Variants in RC3H2 observed in about 807,000 individuals in gnomAD.
RC3H2 encodes the protein ring finger and CCCH-type domains 2.
Under a neutral mutation model 133.3 loss-of-function variants are expected in RC3H2, and 31 were observed. That is an observed-to-expected ratio of 0.23 (90% CI 0.17 to 0.31). The LOEUF (loss-of-function observed/expected upper bound fraction) is 0.31, where lower values mean the gene tolerates loss of function less well. RC3H2 is among the 10% of genes least tolerant of loss of function. RC3H2 has a pLI of 1.00. For missense variants in RC3H2, 1,175 were observed against 1,437.2 expected (o/e 0.82, Z 2.95); for synonymous variants, 517 against 502.2 (o/e 1.03, Z -0.40).
rs767566476 is a variant in RC3H2 at position 122,879,835 on chromosome 9, T to C, written c.1132A>G (p.Met378Val). The stretch of plus-strand genomic sequence containing the variant: ...TGAACTACTGTTTTAACAGCTACCA[T>C]TGCATTTTCCAGCTGCTCCCAAGTT... ...SPTWEQLENAMVAVKTVVHGL... is the reference protein window; with the variant it reads ...SPTWEQLENAVVAVKTVVHGL... Residue 378 changes from methionine (M) to valine (V), a missense_variant, in exon 8 of 21, where the codon ATG becomes GTG. Around this residue, in one of 8 missense-constraint regions of RC3H2, gnomAD observed 131 missense variants for 154.2 expected, o/e 0.85. Transcript: ENST00000357244. 1.0e-4 allele frequency: 164 copies of C among 1,614,052 alleles called. No homozygotes were observed. Among genetic ancestry groups the C allele is most frequent in the Middle Eastern group, 1.6e-4 (1 of 6,084 alleles).
chr9:122,888,893 C>T (rs1033683029), intron 4 of RC3H2, among the ~76,000 whole-genome samples: 2 of 151,966 alleles, frequency 1.3e-5, no homozygotes, highest in Non-Finnish European at 2.9e-5. Context: ...TCAGATGTTG[C>T]CAAATTCCTT....
intron 1 of RC3H2, among the ~76,000 whole-genome samples, chr9:122,900,690 A>C (rs1382949239): frequency 6.6e-6 from 1 of 152,190 alleles, no homozygotes; most frequent in Non-Finnish European, 1.5e-5. Flanking sequence ...GAATATTTAT[A>C]GTTACTACTG....
In RC3H2 at chr9:122,864,892, GGGAT is replaced by G. The variant is rs200933994; in HGVS notation, c.1634+453_1634+456del. ...GCATGCCTCAGCCTCCAAAAGTGCT[GGGAT>G]TACAGGTGTGAACCACTGCACCCGG... On this transcript the variant is annotated intron_variant, in intron 10 of 20. Coordinates refer to ENST00000357244, the MANE Select transcript of RC3H2 (RefSeq NM_001100588.3). Among the ~76,000 whole-genome samples the G allele has an allele frequency of 2.3e-3, 353 of 152,106 alleles. 9 individuals are homozygous for G. The East Asian group carries it at 0.056, about 24-fold the overall frequency.
In RC3H2 at chr9:122,849,544, TTATATAA is replaced by T. The variant is rs1829940970; in HGVS notation, c.*76_*82del. Reference sequence around the variant, plus strand: ...ATCTTTTTTTTAAAAAAAATATACATTATATAATATATATTATATATATAAAAAGCTA... The same window carrying T: ...ATCTTTTTTTTAAAAAAAATATACATTATATATTATATATATAAAAAGCTA... On this transcript the variant is annotated 3_prime_UTR_variant, in exon 21 of 21. Transcript: ENST00000357244. 1 of 491,072 alleles carries T rather than the reference TTATATAA, an allele frequency of 2.0e-6. No individual in the cohort carries two copies. Among genetic ancestry groups the T allele is most frequent in the African/African-American group, 2.1e-5 (1 of 48,124 alleles). The allele number at this position is 491,072 out of a possible 1,614,324, so 30.4% of individuals were successfully genotyped here.
chr9:122,867,396 C>T (rs987198671), intron 9 of RC3H2, among the ~76,000 whole-genome samples: 5 of 141,348 alleles, frequency 3.5e-5, no homozygotes, highest in Non-Finnish European at 7.8e-5. Context: ...CCGCTCCGTC[C>T]GGGAGGGAGG....
At position 122,858,708 on chromosome 9, in the gene RC3H2, C is replaced by T; in HGVS notation, c.2244G>A (p.Gln748=). 6.2e-7 allele frequency: 1 copy of T among 1,612,776 alleles called. No homozygotes were observed. The highest frequency in any genetic ancestry group is 8.5e-7 in the Non-Finnish European group (1 of 1,179,766). ...CAGTTGTCCTTGGCTCACTTGGTGG[C>T]TGACAAGCCACCGAATAATATCCAT... The part of the protein sequence containing the change: ...SLDGYYSVAC[Q]PPSEPRTTVP... The change falls in exon 12 of 21, where the codon CAG becomes CAA. Residue 748 remains glutamine, a synonymous_variant. Coordinates refer to ENST00000357244, the MANE Select transcript of RC3H2 (RefSeq NM_001100588.3).
chr9:122,854,346 T>C (rs1830164188), intron 16 of RC3H2, 80 bp from the exon 17 acceptor site: 3 of 1,327,154 alleles, frequency 2.3e-6, no homozygotes, highest in Admixed American at 3.8e-5. Context: ...ATGTTTTATG[T>C]GACAGATCAA....
At chr9:122,852,468 G>T (rs1415446547) in intron 18 of RC3H2, among the ~76,000 whole-genome samples, 36 of 129,310 alleles carry the variant, frequency 2.8e-4, no homozygotes, top group South Asian at 5.0e-4. Flanking sequence ...GCCTCTGCCC[G>T]GCCGCCCCTA....
rs1830640313 is a variant in RC3H2, at chr9:122,866,134, A to G, written c.1326-477T>C. 2.0e-5 allele frequency among the ~76,000 whole-genome samples: 3 copies of G among 152,344 alleles called. No individual in the cohort carries two copies. In the South Asian group the frequency reaches 6.2e-4, roughly 32 times the overall value. On this transcript the variant is annotated intron_variant, in intron 9 of 20. Coordinates refer to ENST00000357244, the MANE Select transcript of RC3H2 (RefSeq NM_001100588.3). ...AACTGTAAAAGGATTATATAATTTAAAAAAATAATTTAAAAAACTCATTCT... is the reference window on the plus strand; with the variant it reads ...AACTGTAAAAGGATTATATAATTTAGAAAAATAATTTAAAAAACTCATTCT...
chr9:122,853,378 T>TAAG (rs1554767387), intron 18 of RC3H2, among the ~76,000 whole-genome samples: 3 of 83,712 alleles, frequency 3.6e-5, no homozygotes, highest in Non-Finnish European at 8.5e-5. Context: ...GAATGATCAA[T>TAAG]AAAAAAAAAA....
chr9:122,855,133 AAG>A (rs1491083301), intron 15 of RC3H2, 49 bp downstream of exon 15: 3 of 1,282,536 alleles, frequency 2.3e-6, no homozygotes, highest in Admixed American at 4.9e-5. Flanking sequence ...AAAAAAAAAA[AAG>A]GCATAGTGCT....
chr9:122,873,942 C>G (rs759599346), intron 9 of RC3H2: 2 of 152,018 alleles, frequency 1.3e-5, no homozygotes, highest in African/African-American at 4.8e-5. Context: ...CTCAGCCTCC[C>G]GAGCAGCTGG....
intron 9 of RC3H2, chr9:122,875,205 A>G (rs979794090): frequency 6.5e-7 from 1 of 1,547,348 alleles, no homozygotes; most frequent in Non-Finnish European, 8.7e-7. Context: ...TCAAGTGGGG[A>G]AAAAAACTGA....
intron 10 of RC3H2, among the ~76,000 whole-genome samples, chr9:122,864,769 C>T (rs1406456134): frequency 6.6e-6 from 1 of 151,994 alleles, no homozygotes; most frequent in African/African-American, 2.4e-5. Flanking sequence ...TACATATGCC[C>T]GCCACCATGC....
intron 4 of RC3H2, among the ~76,000 whole-genome samples, chr9:122,887,158 T>G (rs1351420326): frequency 6.6e-6 from 1 of 152,184 alleles, no homozygotes; most frequent in African/African-American, 2.4e-5. Context: ...ATTAATACAT[T>G]TGGGGATGTA....
In RC3H2 at chr9:122,877,364, C is replaced by A. The variant is rs1340153741; in HGVS notation, c.1325+107G>T. ...TACAGGCATGAGCTATGGTGCCCAG[C>A]CCTTAACTTGCATTTTTGAAAGTCA... On this transcript the variant is annotated intron_variant, in intron 9 of 20. Coordinates refer to ENST00000357244, the MANE Select transcript of RC3H2 (RefSeq NM_001100588.3). 17 of 831,680 alleles carry A rather than the reference C, an allele frequency of 2.0e-5. No homozygotes were observed. The East Asian group carries it at 3.9e-4, about 19-fold the overall frequency. The allele number at this position is 831,680 out of a possible 1,614,324, so 51.5% of individuals were successfully genotyped here.
rs775581799 is a variant in RC3H2 at position 122,883,372 on chromosome 9, T to C, written c.591A>G (p.Gln197=). The C allele has an allele frequency of 4.3e-5, 68 of 1,597,214 alleles. No homozygotes were observed. The South Asian group carries it at 7.1e-4, about 17-fold the overall frequency. The change falls in exon 5 of 21, where the codon CAA becomes CAG. Residue 197 remains glutamine, a synonymous_variant. Transcript: ENST00000357244. ...GTAACACCAGCTTCAAGGCCTCTTC[T>C]TGCATAGCTAAAAATATTAAAGGAA... ...RGCQFLGPAM[Q]EEALKLVLLA...
intron 1 of RC3H2, among the ~76,000 whole-genome samples, chr9:122,904,724 G>A (rs1042533300): frequency 3.3e-5 from 5 of 152,206 alleles, no homozygotes; most frequent in Non-Finnish European, 4.4e-5. Context: ...AAGCCCCAGG[G>A]CAGAAAGCTG....
intron 4 of RC3H2, among the ~76,000 whole-genome samples, chr9:122,886,954 G>A (rs1050521863): frequency 4.6e-5 from 7 of 152,072 alleles, no homozygotes; most frequent in Non-Finnish European, 8.8e-5. Flanking sequence ...AATATCTAAA[G>A]GTAACATTCT....
Sources: allele counts gnomAD v4.1 joint callset (sites outside exome capture counted in the v4.1 genomes callset), GRCh38; gene constraint gnomAD v4.1.1; regional missense constraint gnomAD v4.1.1; transcripts MANE v1.5; gene names NCBI Gene and HGNC (gene_info 2026-07-23, HGNC 2026-07-21).